B3GALT1: variants seen among roughly 807,000 people sequenced by gnomAD.
The protein encoded by B3GALT1 is beta-1,3-galactosyltransferase 1.
Under a neutral mutation model 23.2 loss-of-function variants are expected in B3GALT1, and 10 were observed. That is an observed-to-expected ratio of 0.43 (90% CI 0.27 to 0.73). B3GALT1 has a LOEUF of 0.73. Ranked by LOEUF, B3GALT1 falls within the 30% of genes least tolerant of loss-of-function variation. The pLI, the probability that B3GALT1 is intolerant of heterozygous loss-of-function variation, is 0.21. For synonymous variants in B3GALT1, 156 were observed against 141.5 expected (o/e 1.10, Z -0.73); for missense variants, 299 against 405.4 (o/e 0.74, Z 2.25).
rs1261239946 is a variant in B3GALT1, at chr2:167,294,068, G to T, written c.-511+734G>T. On this transcript the variant is annotated intron_variant, in intron 1 of 4. Transcript: ENST00000392690. ...TGGAGAGTCCCACTCTGAGGTACTG[G>T]TAGCGGCTCCTCCTGCCTGGTGGCG... is the stretch of plus-strand genomic sequence containing the variant. Among the ~76,000 whole-genome samples, 25 of 152,200 alleles carry T rather than the reference G, an allele frequency of 1.6e-4. 1 individual carries two copies. Among genetic ancestry groups the T allele is most frequent in the Admixed American group, 1.6e-3 (25 of 15,282 alleles).
chr2:167,563,999 G>A lies in B3GALT1; in HGVS notation c.-410+73722G>A, dbSNP rs1231236306. 3.4e-5 allele frequency among the ~76,000 whole-genome samples: 5 copies of A among 147,344 alleles called. 1 individual carries two copies. Among genetic ancestry groups the A allele is most frequent in the African/African-American group, 1.3e-4 (5 of 39,470 alleles). On this transcript the variant is annotated intron_variant, in intron 2 of 4. Transcript: ENST00000392690. ...GGACGGGGCAGCCGGCCGGACGGGG[G>A]GCCGACCCTCCCACCTCCCTCCCGG...
chr2:167,628,421 T>A (rs961269742), intron 2 of B3GALT1, among the ~76,000 whole-genome samples: 1 of 151,648 alleles, frequency 6.6e-6, no homozygotes, highest in Non-Finnish European at 1.5e-5. Context: ...CAATAAAAAC[T>A]CAGATTGTAT....
chr2:167,780,325 A>G (rs1013187340), intron 3 of B3GALT1, among the ~76,000 whole-genome samples: 4 of 152,218 alleles, frequency 2.6e-5, no homozygotes, highest in Admixed American at 6.5e-5. Flanking sequence ...TGTATTGGCA[A>G]GGAAAAGGTT....
chr2:167,451,038 T>A (rs1193808339), intron 1 of B3GALT1, among the ~76,000 whole-genome samples: 4 of 152,078 alleles, frequency 2.6e-5, no homozygotes, highest in African/African-American at 9.7e-5. Context: ...CTTTTTTTCC[T>A]GAAGTTGTGA....
At chr2:167,339,635 C>T (rs1697116821) in intron 1 of B3GALT1, among the ~76,000 whole-genome samples, 1 of 152,156 alleles carries the variant, frequency 6.6e-6, no homozygotes, top group Admixed American at 6.5e-5. Context: ...AATCTCTATA[C>T]TTTATGTATT....
At chr2:167,340,686 G>A (rs1054884243) in intron 1 of B3GALT1, among the ~76,000 whole-genome samples, 1 of 152,078 alleles carries the variant, frequency 6.6e-6, no homozygotes, top group Non-Finnish European at 1.5e-5. Context: ...TTCCCACCAC[G>A]CCATTTTATC....
chr2:167,698,992 C>T lies in B3GALT1; in HGVS notation c.-352+52026C>T, dbSNP rs183433663. 2.2e-4 allele frequency among the ~76,000 whole-genome samples: 34 copies of T among 152,114 alleles called. No homozygotes were observed. In the East Asian group the frequency reaches 3.5e-3, roughly 16 times the overall value. On this transcript the variant is annotated intron_variant, in intron 3 of 4. Transcript: ENST00000392690. Reference sequence around the variant, plus strand: ...CCTTTAATGTTCAGAACAAAAATGACGAGAGAATAAAGAGATCTTAAAAGA... The same window carrying T: ...CCTTTAATGTTCAGAACAAAAATGATGAGAGAATAAAGAGATCTTAAAAGA...
chr2:167,293,876 A>G (rs1242705043), intron 1 of B3GALT1, among the ~76,000 whole-genome samples: 3 of 142,914 alleles, frequency 2.1e-5, no homozygotes, highest in South Asian at 4.8e-4. Flanking sequence ...GGGGAAGGGA[A>G]GAGAGGGAAA....
At chr2:167,423,703 A>G (rs1232923680) in intron 1 of B3GALT1, among the ~76,000 whole-genome samples, 5 of 152,126 alleles carry the variant, frequency 3.3e-5, no homozygotes, top group Non-Finnish European at 7.4e-5. Flanking sequence ...CACCCAGAAG[A>G]CTTGATTGCT....
At chr2:167,664,698 C>T (rs999310083) in intron 3 of B3GALT1, among the ~76,000 whole-genome samples, 1 of 151,962 alleles carries the variant, frequency 6.6e-6, no homozygotes, top group African/African-American at 2.4e-5. Flanking sequence ...AGTTGGATTC[C>T]TAGGTATTTT....
At chr2:167,733,000 A>G (rs1251866782) in intron 3 of B3GALT1, among the ~76,000 whole-genome samples, 5 of 152,224 alleles carry the variant, frequency 3.3e-5, no homozygotes, top group Non-Finnish European at 5.9e-5. Context: ...GCTGAAAGAA[A>G]TAAGGCAAAA....
chr2:167,393,030 C>T (rs1016511982), intron 1 of B3GALT1, among the ~76,000 whole-genome samples: 5 of 152,074 alleles, frequency 3.3e-5, no homozygotes, highest in South Asian at 2.1e-4. Flanking sequence ...GTCAGCAGAT[C>T]AAGACCATCC....
At chr2:167,649,686 G>T (rs1685825003) in intron 3 of B3GALT1, among the ~76,000 whole-genome samples, 2 of 151,928 alleles carry the variant, frequency 1.3e-5, no homozygotes, top group African/African-American at 4.8e-5. Context: ...CGCTACACTA[G>T]CATGGTTTTC....
chr2:167,387,259 T>G (rs1055224334), intron 1 of B3GALT1, among the ~76,000 whole-genome samples: 1 of 152,232 alleles, frequency 6.6e-6, no homozygotes, highest in Non-Finnish European at 1.5e-5. Context: ...CATGTAAAAT[T>G]AAATTAGTTT....
chr2:167,760,129 C>T (rs1390933642), intron 3 of B3GALT1, among the ~76,000 whole-genome samples: 1 of 152,116 alleles, frequency 6.6e-6, no homozygotes, highest in Non-Finnish European at 1.5e-5. Context: ...AGGATACTGC[C>T]ATACTTAGTT....
chr2:167,803,802 C>G (rs1688688757), intron 3 of B3GALT1, among the ~76,000 whole-genome samples: 1 of 142,460 alleles, frequency 7.0e-6, no homozygotes, highest in Non-Finnish European at 1.5e-5. Flanking sequence ...CCCATTCACA[C>G]TCTCGTTCTG....
chr2:167,350,254 G>A (rs76626615), intron 1 of B3GALT1, among the ~76,000 whole-genome samples: 2,491 of 152,196 alleles, frequency 0.016, 68 homozygotes, highest in East Asian at 0.065. Context: ...AGTACAGTTT[G>A]TTCATCATTT....
chr2:167,348,781 T>G (rs1697263506), intron 1 of B3GALT1, among the ~76,000 whole-genome samples: 1 of 152,212 alleles, frequency 6.6e-6, no homozygotes, highest in Non-Finnish European at 1.5e-5. Context: ...TTAAAAGTGC[T>G]TGCCCTTCCT....
At chr2:167,783,218 C>T (rs1688276867) in intron 3 of B3GALT1, among the ~76,000 whole-genome samples, 1 of 151,956 alleles carries the variant, frequency 6.6e-6, no homozygotes, top group Admixed American at 6.6e-5. Context: ...AAAGTAATGC[C>T]TCTTTCAATA....
Sources: allele counts gnomAD v4.1 joint callset (sites outside exome capture counted in the v4.1 genomes callset), GRCh38; gene constraint gnomAD v4.1.1; transcripts MANE v1.5; gene names NCBI Gene and HGNC (gene_info 2026-07-23, HGNC 2026-07-21).